ZNF483: variants seen among roughly 807,000 people sequenced by gnomAD.
ZNF483 encodes the protein zinc finger protein HIT-10.
A neutral mutation model predicts 28.6 loss-of-function variants in ZNF483; 9 were observed. The observed-to-expected ratio is 0.32, with a 90% CI of 0.19 to 0.55. The LOEUF (loss-of-function observed/expected upper bound fraction) is 0.55, where lower values mean the gene tolerates loss of function less well. ZNF483 is among the 20% of genes least tolerant of loss of function. The probability of loss-of-function intolerance (pLI) is 0.93; values close to 1 mark genes in which losing one functional copy is unlikely to be tolerated. For synonymous variants in ZNF483, 322 were observed against 306.2 expected (o/e 1.05, Z -0.54); for missense variants, 675 against 871.7 (o/e 0.77, Z 2.84).
chr9:111,530,622 C>G (rs1382235907), intron 2 of ZNF483, among the ~76,000 whole-genome samples: 1 of 150,598 alleles, frequency 6.6e-6, no homozygotes, highest in Non-Finnish European at 1.5e-5. Context: ...CTGGTGCCTG[C>G]TGGGGAGTCC....
Position 111,549,640 on chromosome 9 carries a change from G to T in ZNF483, c.*6470G>T. On this transcript the variant is annotated 3_prime_UTR_variant, in exon 6 of 6. Coordinates refer to ENST00000309235, the MANE Select transcript of ZNF483 (RefSeq NM_133464.5). The stretch of plus-strand genomic sequence containing the variant: ...GTAGCTCTTCTGGGGCAGCGGTCGT[G>T]GTGGTGGTGGCAGCGGCAGCAGGGT... The T allele has an allele frequency of 2.5e-6, 3 of 1,179,820 alleles. No homozygotes were observed. Among genetic ancestry groups the T allele is most frequent in the Non-Finnish European group, 3.6e-6 (3 of 834,042 alleles). The allele number at this position is 1,179,820 out of a possible 1,614,324, so 73.1% of individuals were successfully genotyped here. A position where few individuals can be genotyped will look rare whatever the true frequency, so the allele number is the denominator to read the frequency against.
intron 1 of ZNF483, among the ~76,000 whole-genome samples, chr9:111,525,590 C>T (rs926812230): frequency 6.6e-6 from 1 of 152,184 alleles, no homozygotes; most frequent in African/African-American, 2.4e-5. Flanking sequence ...ACAGTACCAC[C>T]TCTCGTCCTA....
chr9:111,526,157 G>A (rs1827181196), intron 1 of ZNF483, among the ~76,000 whole-genome samples: 1 of 152,216 alleles, frequency 6.6e-6, no homozygotes, highest in Admixed American at 6.5e-5. Flanking sequence ...AGAAGTGACA[G>A]TTGAAAGGAG....
chr9:111,532,139 G>A (rs61291058), intron 3 of ZNF483, among the ~76,000 whole-genome samples: 10,982 of 152,028 alleles, frequency 0.072, 615 homozygotes, highest in East Asian at 0.26. Context: ...CGAGACCCTC[G>A]TCTATATAAA....
rs907837403 is a variant in ZNF483, at chr9:111,547,788, T to C, written c.*4618T>C. Among the ~76,000 whole-genome samples, 1 of 152,202 alleles carries C rather than the reference T, an allele frequency of 6.6e-6. No individual in the cohort carries two copies. The highest frequency in any genetic ancestry group is 2.4e-5 in the African/African-American group (1 of 41,468). ...GTTTCAGGTCTTATGTTTAAGTCTT[T>C]TAACCATTTTGATTTTTATGTATGG... On this transcript the variant is annotated 3_prime_UTR_variant, in exon 6 of 6. Coordinates refer to ENST00000309235, the MANE Select transcript of ZNF483 (RefSeq NM_133464.5).
chr9:111,545,626 T>C lies in ZNF483; in HGVS notation c.*2456T>C, dbSNP rs1827788976. ...CACTACTCAGTCGACTTTGTGTCTC[T>C]AGAGTTGTCTTTTTCTGTACATTTT... On this transcript the variant is annotated 3_prime_UTR_variant, in exon 6 of 6. Coordinates refer to ENST00000309235, the MANE Select transcript of ZNF483 (RefSeq NM_133464.5). Among the ~76,000 whole-genome samples, 1 of 152,322 alleles carries C rather than the reference T, an allele frequency of 6.6e-6. No individual in the cohort carries two copies. Among genetic ancestry groups the C allele is most frequent in the East Asian group, 1.9e-4 (1 of 5,190 alleles).
At chr9:111,561,173 GAGAGAA>G (rs1210679773) in intron 5 of ZNF483, among the ~76,000 whole-genome samples, 11 of 120,784 alleles carry the variant, frequency 9.1e-5, no homozygotes, top group Non-Finnish European at 1.5e-4. Context: ...GAGAGAGAGA[GAGAGAA>G]AGAGAGAGAG....
At chr9:111,533,612 G>A in intron 3 of ZNF483, 127 bp from the exon 4 acceptor site, 1 of 924,502 alleles carries the variant, frequency 1.1e-6, no homozygotes, top group African/African-American at 1.7e-5. Flanking sequence ...TGAGCCTGCA[G>A]TGAACCATGA....
rs1213519394 is a variant in ZNF483 at position 111,552,934 on chromosome 9, A to G, written c.*9764A>G. On this transcript the variant is annotated 3_prime_UTR_variant, in exon 6 of 6. Coordinates refer to ENST00000309235, the MANE Select transcript of ZNF483 (RefSeq NM_133464.5). The stretch of plus-strand genomic sequence containing the variant: ...TTCCTCATAATTTTCTAAATACGAT[A>G]AAGTGATAATTTCTTCATCTCTCCA... Among the ~76,000 whole-genome samples the G allele has an allele frequency of 1.3e-5, 2 of 152,210 alleles. No individual in the cohort carries two copies. The highest frequency in any genetic ancestry group is 2.9e-5 in the Non-Finnish European group (2 of 68,024).
chr9:111,554,910 A>T lies in ZNF483; in HGVS notation c.*11740A>T, dbSNP rs1048207614. On this transcript the variant is annotated 3_prime_UTR_variant, in exon 6 of 6. Transcript: ENST00000309235. ...CTTTGAGTTAGATGCTTTGAGTGTGACCTACTTTTTGCCTTTGGGACCCTA... is the reference window on the plus strand; with the variant it reads ...CTTTGAGTTAGATGCTTTGAGTGTGTCCTACTTTTTGCCTTTGGGACCCTA... Among the ~76,000 whole-genome samples the T allele has an allele frequency of 6.6e-6, 1 of 152,120 alleles. No homozygotes were observed. The highest frequency in any genetic ancestry group is 1.5e-5 in the Non-Finnish European group (1 of 68,010).
downstream of ZNF483, among the ~76,000 whole-genome samples, chr9:111,555,741 CAG>C (rs1288355553): frequency 3.9e-5 from 6 of 152,162 alleles, no homozygotes; most frequent in South Asian, 2.1e-4. Context: ...ATGAGAACAA[CAG>C]GAGGGAAATC....
chr9:111,533,599 G>A lies in ZNF483; in HGVS notation c.502-140G>A, dbSNP rs574034185. 6.9e-6 allele frequency: 5 copies of A among 720,372 alleles called. No individual in the cohort carries two copies. The East Asian group carries it at 1.4e-4, about 20-fold the overall frequency. 44.6% of individuals were successfully genotyped at this position (720,372 alleles called of 1,614,324 possible). On this transcript the variant is annotated intron_variant, in intron 3 of 5. Transcript: ENST00000309235. ...GTGGGAGGATCACTTGAGCCCAGGAGGTTGAGCCTGCAGTGAACCATGAAG... is the reference window on the plus strand; with the variant it reads ...GTGGGAGGATCACTTGAGCCCAGGAAGTTGAGCCTGCAGTGAACCATGAAG...
intron 5 of ZNF483, among the ~76,000 whole-genome samples, chr9:111,566,889 G>C (rs1217238810): frequency 6.6e-6 from 1 of 151,986 alleles, no homozygotes; most frequent in Non-Finnish European, 1.5e-5. Flanking sequence ...AAGTAGGATA[G>C]GAGCCTGGGC....
At chr9:111,528,060 GAT>G in intron 2 of ZNF483, 1 of 1,395,370 alleles carries the variant, frequency 7.2e-7, no homozygotes, top group Non-Finnish European at 9.4e-7. Flanking sequence ...GACAAGATAG[GAT>G]ATAATATATG....
rs147515252 is a variant in ZNF483, at chr9:111,565,800, T to C, written c.722-10565T>C. On this transcript the variant is annotated intron_variant, in intron 5 of 5. Coordinates refer to the ZNF483 transcript ENST00000358151. ...TCACCCTCCTAAAGTGCTGGGATTA[T>C]AGCTATGAGCCACCGCACCCAGCCT... Among the ~76,000 whole-genome samples the C allele has an allele frequency of 2.3e-3, 355 of 152,178 alleles. 2 individuals carry two copies. The highest frequency in any genetic ancestry group is 8.4e-3 in the African/African-American group (349 of 41,548).
At position 111,549,250 on chromosome 9, in the gene ZNF483, G is replaced by A. The variant is rs1473089581; in HGVS notation, c.*6080G>A. On this transcript the variant is annotated 3_prime_UTR_variant, in exon 6 of 6. Coordinates refer to ENST00000309235, the MANE Select transcript of ZNF483 (RefSeq NM_133464.5). ...CAGATGAGGAATTTCTTGATCACTG[G>A]GGAGAAATATCTTACAATTCTGAAA... Among the ~76,000 whole-genome samples, 1 of 152,054 alleles carries A rather than the reference G, an allele frequency of 6.6e-6. No homozygotes were observed. Among genetic ancestry groups the A allele is most frequent in the Non-Finnish European group, 1.5e-5 (1 of 68,000 alleles).
At chr9:111,565,441 G>C (rs1828515191) in intron 5 of ZNF483, among the ~76,000 whole-genome samples, 1 of 152,168 alleles carries the variant, frequency 6.6e-6, no homozygotes, top group African/African-American at 2.4e-5. Flanking sequence ...GTTAATAATA[G>C]GGGAAATTAG....
At chr9:111,566,971 C>T (rs1374318843) in intron 5 of ZNF483, among the ~76,000 whole-genome samples, 1 of 151,910 alleles carries the variant, frequency 6.6e-6, no homozygotes, top group East Asian at 1.9e-4. Context: ...TGACTGTTGT[C>T]CCAGCTACTC....
chr9:111,556,062 CAG>C (rs1341256967), downstream of ZNF483, among the ~76,000 whole-genome samples: 2 of 152,228 alleles, frequency 1.3e-5, no homozygotes, highest in East Asian at 1.9e-4. Context: ...CAAGATAGAA[CAG>C]GGGTACAGAC....
Sources: gnomAD v4.1 joint callset for allele counts (sites outside exome capture counted in the v4.1 genomes callset) on GRCh38, gnomAD v4.1.1 for gene constraint, MANE v1.5 for transcripts, NCBI Gene and HGNC (gene_info 2026-07-23, HGNC 2026-07-21) for gene names.